The following TMEM132D variants were observed in gnomAD, a reference collection of about 807,000 sequenced individuals.
TMEM132D encodes the protein transmembrane protein 132D.
TMEM132D carries 21 observed loss-of-function variants against 62.3 expected under a neutral mutation model. The ratio of observed to expected loss-of-function variants is 0.34; its 90% CI spans 0.24 to 0.49. The LOEUF (loss-of-function observed/expected upper bound fraction) is 0.49, where lower values mean the gene tolerates loss of function less well. Among genes scored for constraint, TMEM132D ranks in the 20% least tolerant of loss-of-function variants. The pLI is 0.99. For synonymous variants in TMEM132D, 621 were observed against 575.6 expected, an observed-to-expected ratio of 1.08 and a Z score of -1.13; for missense variants, 1,346 against 1,402.8, an observed-to-expected ratio of 0.96 and a Z score of 0.65.
At chr12:129,511,375 T>C (rs1482888069) in intron 3 of TMEM132D, among the ~76,000 whole-genome samples, 1 of 152,242 alleles carries the variant, frequency 6.6e-6, no homozygotes, top group Non-Finnish European at 1.5e-5. Flanking sequence ...TCATGCCTTT[T>C]TATCTTTGAA....
At chr12:129,783,672 C>T (rs1412863296) in intron 1 of TMEM132D, among the ~76,000 whole-genome samples, 2 of 152,180 alleles carry the variant, frequency 1.3e-5, no homozygotes, top group African/African-American at 2.4e-5. Flanking sequence ...AACGTCTGCA[C>T]ATTAGAATAT....
intron 1 of TMEM132D, among the ~76,000 whole-genome samples, chr12:129,819,973 T>A (rs1300120402): frequency 6.6e-6 from 1 of 152,096 alleles, no homozygotes; most frequent in Non-Finnish European, 1.5e-5. Context: ...ATGACTGCTC[T>A]CAAGACGTTT....
intron 3 of TMEM132D, among the ~76,000 whole-genome samples, chr12:129,464,792 C>T (rs539456996): frequency 7.1e-4 from 108 of 152,058 alleles, no homozygotes; most frequent in African/African-American, 2.5e-3. Context: ...AGATATGCGG[C>T]GTTATATCTG....
intron 1 of TMEM132D, among the ~76,000 whole-genome samples, chr12:129,883,430 A>T (rs1161928477): frequency 6.6e-6 from 1 of 152,180 alleles, no homozygotes; most frequent in African/African-American, 2.4e-5. Flanking sequence ...ACTCATTATT[A>T]TTAAGATGGC....
At chr12:129,407,243 C>A (rs1871818896) in intron 3 of TMEM132D, among the ~76,000 whole-genome samples, 2 of 152,136 alleles carry the variant, frequency 1.3e-5, no homozygotes, top group Admixed American at 1.3e-4. Flanking sequence ...AACTCCATAT[C>A]GAATTAATAT....
intron 5 of TMEM132D, among the ~76,000 whole-genome samples, chr12:129,097,288 T>C (rs1265555865): frequency 6.6e-6 from 1 of 152,250 alleles, no homozygotes; most frequent in Non-Finnish European, 1.5e-5. Flanking sequence ...GCACCCCCGG[T>C]TGAGAACCAG....
chr12:129,204,950 C>A (rs532716627), intron 5 of TMEM132D, among the ~76,000 whole-genome samples: 1 of 152,128 alleles, frequency 6.6e-6, no homozygotes, highest in Admixed American at 6.6e-5. Flanking sequence ...GAGAAATAAG[C>A]CCCTTTTTCA....
At chr12:129,304,530 T>G (rs1263242547) in intron 4 of TMEM132D, among the ~76,000 whole-genome samples, 1 of 151,974 alleles carries the variant, frequency 6.6e-6, no homozygotes, top group African/African-American at 2.4e-5. Flanking sequence ...CAATCCCATA[T>G]CCTGGTGTCA....
rs189981545 is a variant in TMEM132D, at chr12:129,192,976, G to C, written c.1443+16544C>G. Among the ~76,000 whole-genome samples the C allele has an allele frequency of 3.2e-3, 480 of 152,198 alleles. 8 individuals are homozygous for C. Among genetic ancestry groups the C allele is most frequent in the Admixed American group, 0.028 (433 of 15,300 alleles). On this transcript the variant is annotated intron_variant, in intron 5 of 8. Coordinates refer to ENST00000422113, the MANE Select transcript of TMEM132D (RefSeq NM_133448.3). ...ACGAGGTCAGGAGATCGAGACCACA[G>C]TGAAACCCCATTTCTACTAAAAATA... is the stretch of plus-strand genomic sequence containing the variant.
At chr12:129,157,527 G>A (rs1877282044) in intron 5 of TMEM132D, among the ~76,000 whole-genome samples, 1 of 152,182 alleles carries the variant, frequency 6.6e-6, no homozygotes, top group South Asian at 2.1e-4. Flanking sequence ...CAGTTAACCT[G>A]TGTGAAGCCA....
At chr12:129,421,747 C>T (rs1445658008) in intron 3 of TMEM132D, among the ~76,000 whole-genome samples, 2 of 152,106 alleles carry the variant, frequency 1.3e-5, no homozygotes, top group African/African-American at 4.8e-5. Context: ...CTTTTGTACC[C>T]GTGTTTATAA....
intron 1 of TMEM132D, among the ~76,000 whole-genome samples, chr12:129,785,561 T>TA: frequency 6.6e-6 from 1 of 152,182 alleles, no homozygotes; most frequent in Non-Finnish European, 1.5e-5. Context: ...CTAAACCAAG[T>TA]AACTTTTAGA....
At chr12:129,317,072 G>T (rs1339642596) in intron 4 of TMEM132D, among the ~76,000 whole-genome samples, 9 of 152,030 alleles carry the variant, frequency 5.9e-5, no homozygotes, top group Admixed American at 3.3e-4. Context: ...TAGTTGGCTG[G>T]GTTCTTATGT....
chr12:129,578,403 CA>C (rs1391496524), intron 2 of TMEM132D, among the ~76,000 whole-genome samples: 8 of 48,046 alleles, frequency 1.7e-4, no homozygotes, highest in Middle Eastern at 7.4e-3. Context: ...CTGAGTAATA[CA>C]ATTATGTGTG....
intron 2 of TMEM132D, among the ~76,000 whole-genome samples, chr12:129,643,539 C>A (rs1879694260): frequency 6.6e-6 from 1 of 152,096 alleles, no homozygotes; most frequent in East Asian, 1.9e-4. Context: ...ATTTGCTGCC[C>A]CCTTTTCTAG....
At chr12:129,659,067 A>ATT (rs11383730) in intron 2 of TMEM132D, among the ~76,000 whole-genome samples, 28 of 150,110 alleles carry the variant, frequency 1.9e-4, no homozygotes, top group Middle Eastern at 3.4e-3. Flanking sequence ...TACATGGCTA[A>ATT]TTTTTTTTTT....
At chr12:129,758,909 G>A (rs1870257862) in intron 1 of TMEM132D, among the ~76,000 whole-genome samples, 1 of 151,508 alleles carries the variant, frequency 6.6e-6, no homozygotes, top group Admixed American at 6.6e-5. Flanking sequence ...ATCCTTTGTG[G>A]TGTGTGTTTA....
chr12:129,466,330 T>G (rs1358781119), intron 3 of TMEM132D, among the ~76,000 whole-genome samples: 4 of 109,228 alleles, frequency 3.7e-5, no homozygotes, highest in African/African-American at 1.5e-4. Context: ...TTTTTAGAGA[T>G]GTGGTCTCAC....
At chr12:129,161,004 C>T (rs1454760509) in intron 5 of TMEM132D, among the ~76,000 whole-genome samples, 3 of 152,154 alleles carry the variant, frequency 2.0e-5, no homozygotes, top group Non-Finnish European at 2.9e-5. Flanking sequence ...AATACTATTT[C>T]GATGGATTCT....
Sources: allele counts gnomAD v4.1 joint callset (sites outside exome capture counted in the v4.1 genomes callset), GRCh38; gene constraint gnomAD v4.1.1; transcripts MANE v1.5; gene names NCBI Gene and HGNC (gene_info 2026-07-23, HGNC 2026-07-21).